Variants in STARD13 observed in about 807,000 individuals in gnomAD.
STARD13 encodes StAR related lipid transfer domain containing 13.
In STARD13, 62 loss-of-function variants were observed where a neutral mutation model predicts 106.4. The observed-to-expected ratio is 0.58, with a 90% CI of 0.48 to 0.72. The LOEUF is 0.72. Ranked by LOEUF, STARD13 falls within the 30% of genes least tolerant of loss-of-function variation. The probability of loss-of-function intolerance (pLI) is 0.00; values close to 1 mark genes in which losing one functional copy is unlikely to be tolerated. For synonymous variants in STARD13, 565 were observed against 553.0 expected (o/e 1.02, Z -0.31); for missense variants, 1,387 against 1,424.0 (o/e 0.97, Z 0.42).
chr13:33,446,548 A>G, the STARD13 span, among the ~76,000 whole-genome samples: 8 of 152,138 alleles, frequency 5.3e-5, no homozygotes, highest in Non-Finnish European at 8.8e-5. Context: ...TTTCATTGCT[A>G]TATAAAAATC....
intron 1 of STARD13, among the ~76,000 whole-genome samples, chr13:33,302,160 G>T (rs1025007032): frequency 1.3e-5 from 2 of 152,146 alleles, no homozygotes; most frequent in African/African-American, 4.8e-5. Context: ...AAATAATGAT[G>T]ATAACAGCAA....
chr13:33,529,791 T>A, the STARD13 span, among the ~76,000 whole-genome samples: 1 of 152,122 alleles, frequency 6.6e-6, no homozygotes, highest in Non-Finnish European at 1.5e-5. Context: ...TCCAAAGGCA[T>A]GAAAGCACAA....
the STARD13 span, among the ~76,000 whole-genome samples, chr13:33,387,855 C>T: frequency 6.6e-6 from 1 of 152,216 alleles, no homozygotes; most frequent in African/African-American, 2.4e-5. Flanking sequence ...GAGTGAAACT[C>T]CAGATTGGCC....
the STARD13 span, among the ~76,000 whole-genome samples, chr13:33,622,712 G>C: frequency 2.0e-5 from 3 of 150,712 alleles, no homozygotes; most frequent in Non-Finnish European, 4.4e-5. Context: ...ACGAGGTCAG[G>C]AGATCGAGAC....
At chr13:33,366,570 C>T in the STARD13 span, among the ~76,000 whole-genome samples, 2 of 152,152 alleles carry the variant, frequency 1.3e-5, no homozygotes, top group Non-Finnish European at 2.9e-5. This position sits in a 1 kb window ranked among gnomAD's most constrained non-coding sequence, Gnocchi z 4.2. Flanking sequence ...TTTCTGAACA[C>T]CTGCCTAACC....
At chr13:33,494,041 T>C in the STARD13 span, among the ~76,000 whole-genome samples, 3 of 152,148 alleles carry the variant, frequency 2.0e-5, no homozygotes, top group South Asian at 6.2e-4. Context: ...AGATACCTGA[T>C]TACCCAGAGT....
At chr13:33,250,033 C>A (rs956396099) in intron 1 of STARD13, among the ~76,000 whole-genome samples, 44 of 152,086 alleles carry the variant, frequency 2.9e-4, no homozygotes, top group African/African-American at 9.7e-4. Flanking sequence ...TCAAGTGATC[C>A]CCCCGTCTCA....
the STARD13 span, among the ~76,000 whole-genome samples, chr13:33,577,827 C>A: frequency 1.5e-4 from 23 of 152,046 alleles, no homozygotes; most frequent in African/African-American, 5.3e-4. Flanking sequence ...AGATACAAAG[C>A]CAAAGCAAAA....
chr13:33,432,216 G>A, the STARD13 span, among the ~76,000 whole-genome samples: 97 of 152,210 alleles, frequency 6.4e-4, 1 homozygote, highest in African/African-American at 2.3e-3. Flanking sequence ...AGTCACTCGC[G>A]AGCTTTTCTG....
At chr13:33,568,457 AT>A in the STARD13 span, among the ~76,000 whole-genome samples, 1 of 147,986 alleles carries the variant, frequency 6.8e-6, no homozygotes, top group Non-Finnish European at 1.5e-5. Flanking sequence ...AGCTCTAAAG[AT>A]TTTCTTAAAT....
chr13:33,651,936 A>G, the STARD13 span, among the ~76,000 whole-genome samples: 1 of 152,230 alleles, frequency 6.6e-6, no homozygotes, highest in Non-Finnish European at 1.5e-5. Flanking sequence ...CCTTCAGGCC[A>G]GATCAGCTGT....
chr13:33,317,463 T>A (rs910256780), intron 1 of STARD13, among the ~76,000 whole-genome samples: 1 of 152,186 alleles, frequency 6.6e-6, no homozygotes, highest in Non-Finnish European at 1.5e-5. Flanking sequence ...TCTCACCTAC[T>A]GACTACTGCA....
At chr13:33,249,511 C>G (rs1445786164) in intron 1 of STARD13, among the ~76,000 whole-genome samples, 1 of 152,214 alleles carries the variant, frequency 6.6e-6, no homozygotes, top group Non-Finnish European at 1.5e-5. Context: ...TCCTTAGCCA[C>G]CTACAATGTG....
intron 3 of STARD13, among the ~76,000 whole-genome samples, chr13:33,156,410 A>G (rs1881992285): frequency 6.6e-6 from 1 of 152,204 alleles, no homozygotes; most frequent in African/African-American, 2.4e-5. Flanking sequence ...TGTGGCAAAG[A>G]CAAGAACCTG....
At chr13:33,561,018 A>C in the STARD13 span, among the ~76,000 whole-genome samples, 2 of 151,584 alleles carry the variant, frequency 1.3e-5, no homozygotes, top group African/African-American at 4.9e-5. Context: ...TATATCTCTC[A>C]GAGGCCACTG....
At chr13:33,659,605 G>A in the STARD13 span, among the ~76,000 whole-genome samples, 1 of 152,176 alleles carries the variant, frequency 6.6e-6, no homozygotes, top group African/African-American at 2.4e-5. Flanking sequence ...CAGGCAGATA[G>A]CACCAGAACT....
chr13:33,343,037 T>A (rs935257655), intron 1 of STARD13, among the ~76,000 whole-genome samples: 1 of 152,190 alleles, frequency 6.6e-6, no homozygotes, highest in Non-Finnish European at 1.5e-5. Context: ...TATCTCTGGC[T>A]CTGACTTTCC....
chr13:33,519,226 T>C, the STARD13 span, among the ~76,000 whole-genome samples: 1,962 of 146,384 alleles, frequency 0.013, 24 homozygotes, highest in South Asian at 0.022. Context: ...CTTTCTTTCT[T>C]TCTTTCTTTC....
chr13:33,464,024 C>CAAATAT, the STARD13 span, among the ~76,000 whole-genome samples: 1 of 112,540 alleles, frequency 8.9e-6, no homozygotes, highest in East Asian at 2.4e-4. Flanking sequence ...AAAAAAAATA[C>CAAATAT]ATATATATAT....
Sources: allele counts gnomAD v4.1 joint callset (sites outside exome capture counted in the v4.1 genomes callset), GRCh38; gene constraint gnomAD v4.1.1; non-coding constraint Gnocchi (gnomAD v3.1); transcripts MANE v1.5; gene names NCBI Gene and HGNC (gene_info 2026-07-23, HGNC 2026-07-21).